The following CAMTA1 variants were observed in gnomAD, a reference collection of about 807,000 sequenced individuals.
CAMTA1 encodes calmodulin binding transcription activator 1.
In CAMTA1, 27 loss-of-function variants were observed where a neutral mutation model predicts 170.9. The observed-to-expected ratio is 0.16, with a 90% CI of 0.12 to 0.22. CAMTA1 has a LOEUF of 0.22. Among genes scored for constraint, CAMTA1 ranks in the 10% least tolerant of loss-of-function variants. The pLI is 1.00. For missense variants in CAMTA1, 1,619 were observed against 2,217.2 expected (o/e 0.73, Z 5.42); for synonymous variants, 833 against 891.5 (o/e 0.93, Z 1.17).
At chr1:7,199,525 C>A (rs1204163418) in intron 4 of CAMTA1, among the ~76,000 whole-genome samples, 2 of 152,212 alleles carry the variant, frequency 1.3e-5, no homozygotes, top group South Asian at 4.1e-4. Context: ...TGCACAACCC[C>A]CTTCCCCTGT....
chr1:7,753,125 C>T (rs951891719), intron 21 of CAMTA1, among the ~76,000 whole-genome samples: 1 of 152,210 alleles, frequency 6.6e-6, no homozygotes, highest in Non-Finnish European at 1.5e-5. Context: ...ACATCTGAGA[C>T]TCTGGGCACA....
chr1:6,999,490 C>T (rs1557949591), intron 3 of CAMTA1, among the ~76,000 whole-genome samples: 1 of 152,104 alleles, frequency 6.6e-6, no homozygotes, highest in East Asian at 1.9e-4. Flanking sequence ...CTCGGGTGAT[C>T]CTCCTATCTC....
intron 11 of CAMTA1, among the ~76,000 whole-genome samples, chr1:7,692,855 A>C (rs2995031): frequency 6.6e-6 from 1 of 151,872 alleles, no homozygotes; most frequent in Non-Finnish European, 1.5e-5. Context: ...GCATCCCCCC[A>C]CCCCCCAGGA....
chr1:7,129,239 A>C (rs946825181), intron 4 of CAMTA1, among the ~76,000 whole-genome samples: 1 of 152,172 alleles, frequency 6.6e-6, no homozygotes, highest in African/African-American at 2.4e-5. Flanking sequence ...TCTGGCTTCT[A>C]TTAGGTTGGT....
intron 6 of CAMTA1, among the ~76,000 whole-genome samples, chr1:7,512,732 A>G (rs140652247): frequency 6.6e-6 from 1 of 152,192 alleles, no homozygotes; most frequent in African/African-American, 2.4e-5. Context: ...AGGAAGCAAT[A>G]CTAGCTGCTG....
intron 5 of CAMTA1, among the ~76,000 whole-genome samples, chr1:7,439,550 C>G (rs1575333818): frequency 6.6e-6 from 1 of 152,212 alleles, no homozygotes. Flanking sequence ...AGGACCAGGG[C>G]TCCCCACTGA....
Position 7,638,438 on chromosome 1 carries a change from C to T in CAMTA1, c.511-1962C>T, listed in dbSNP as rs141052005. 8.5e-3 allele frequency among the ~76,000 whole-genome samples: 1,301 copies of T among 152,190 alleles called. 18 individuals carry two copies. Among genetic ancestry groups the T allele is most frequent in the African/African-American group, 0.029 (1,190 of 41,518 alleles). ...GGCAGATCACCTGAGGTCGGGAGTT[C>T]GAGACCAGCCTGACCAATATGGTGA... is the stretch of plus-strand genomic sequence containing the variant. On this transcript the variant is annotated intron_variant, in intron 6 of 22. Coordinates refer to ENST00000303635, the MANE Select transcript of CAMTA1 (RefSeq NM_015215.4).
intron 3 of CAMTA1, among the ~76,000 whole-genome samples, chr1:6,889,268 T>G (rs996189861): frequency 1.3e-5 from 2 of 152,210 alleles, no homozygotes; most frequent in African/African-American, 4.8e-5. Flanking sequence ...TACACTCTTA[T>G]GAAAGTATAA....
At chr1:7,058,870 TACAC>T (rs903856787) in intron 3 of CAMTA1, among the ~76,000 whole-genome samples, 1 of 137,332 alleles carries the variant, frequency 7.3e-6, no homozygotes, top group Non-Finnish European at 1.6e-5. Context: ...CACACACACA[TACAC>T]ACACACACAT....
intron 11 of CAMTA1, among the ~76,000 whole-genome samples, chr1:7,678,074 G>C (rs2096141351): frequency 6.6e-6 from 1 of 152,216 alleles, no homozygotes; most frequent in Non-Finnish European, 1.5e-5. Flanking sequence ...AGGACCCCAG[G>C]CAGCAAGGTC....
chr1:7,719,797 T>C (rs955052942), intron 11 of CAMTA1, among the ~76,000 whole-genome samples: 1 of 152,220 alleles, frequency 6.6e-6, no homozygotes, highest in African/African-American at 2.4e-5. Context: ...CTTCTGAGCT[T>C]CCTAAAAAAT....
chr1:7,290,632 G>A (rs1461995130), intron 5 of CAMTA1, among the ~76,000 whole-genome samples: 1 of 152,060 alleles, frequency 6.6e-6, no homozygotes, highest in East Asian at 1.9e-4. Flanking sequence ...CATTTTTAGT[G>A]CTTTCTCCGC....
intron 6 of CAMTA1, among the ~76,000 whole-genome samples, chr1:7,627,629 C>T (rs545644335): frequency 6.6e-6 from 1 of 152,338 alleles, no homozygotes; most frequent in Admixed American, 6.5e-5. Context: ...TAGCAGAACC[C>T]AGACTCGAAC....
At chr1:6,994,005 A>G (rs6658461) in intron 3 of CAMTA1, among the ~76,000 whole-genome samples, 2,810 of 152,228 alleles carry the variant, frequency 0.018, 41 homozygotes, top group African/African-American at 0.036. Flanking sequence ...TGGTGGTTGC[A>G]CTAGGGAATG....
In CAMTA1 at chr1:7,609,652, G is replaced by A. The variant is rs371038125; in HGVS notation, c.511-30748G>A. ...CCCATGTCCTGGTGACCTTGCTGAG[G>A]ACATTGGAGCTCCAGCCTCAAGTCA... On this transcript the variant is annotated intron_variant, in intron 6 of 22. Transcript: ENST00000303635. The surrounding 1 kb of genome is among the most constrained non-coding windows in gnomAD (Gnocchi z 4.4). Among the ~76,000 whole-genome samples the A allele has an allele frequency of 1.8e-4, 27 of 152,322 alleles. No individual in the cohort carries two copies. In the East Asian group the frequency reaches 4.4e-3, roughly 25 times the overall value.
At chr1:7,756,272 C>T (rs960553383) in intron 22 of CAMTA1, among the ~76,000 whole-genome samples, 3 of 152,020 alleles carry the variant, frequency 2.0e-5, no homozygotes, top group Admixed American at 6.6e-5. Context: ...AAACCCAGGA[C>T]GTTCATTATA....
At chr1:6,829,302 C>CT (rs1648706483) in intron 3 of CAMTA1, among the ~76,000 whole-genome samples, 1 of 152,336 alleles carries the variant, frequency 6.6e-6, no homozygotes, top group East Asian at 1.9e-4. Flanking sequence ...AAGGAAGACT[C>CT]TAAGAAGGTA....
At chr1:6,908,296 G>T (rs1261124873) in intron 3 of CAMTA1, among the ~76,000 whole-genome samples, 1 of 152,210 alleles carries the variant, frequency 6.6e-6, no homozygotes, top group Non-Finnish European at 1.5e-5. Context: ...CTTGTGTCCA[G>T]CAGTGCCCAC....
At chr1:7,394,626 T>A (rs915792398) in intron 5 of CAMTA1, among the ~76,000 whole-genome samples, 1 of 152,102 alleles carries the variant, frequency 6.6e-6, no homozygotes, top group African/African-American at 2.4e-5. Flanking sequence ...AAATATTTTC[T>A]CCTATTCTGC....
Sources: allele counts gnomAD v4.1 joint callset (sites outside exome capture counted in the v4.1 genomes callset), GRCh38; gene constraint gnomAD v4.1.1; non-coding constraint Gnocchi (gnomAD v3.1); transcripts MANE v1.5; gene names NCBI Gene and HGNC (gene_info 2026-07-23, HGNC 2026-07-21).